CACNA2D3: variants seen among roughly 807,000 people sequenced by gnomAD.
The protein encoded by CACNA2D3 is voltage-dependent calcium channel subunit alpha-2/delta-3.
A neutral mutation model predicts 160.6 loss-of-function variants in CACNA2D3; 60 were observed. The observed-to-expected ratio is 0.37, with a 90% CI of 0.30 to 0.46. The LOEUF (loss-of-function observed/expected upper bound fraction) is 0.46. Among genes scored for constraint, CACNA2D3 ranks in the 20% least tolerant of loss-of-function variants. CACNA2D3 has a pLI of 1.00. For synonymous variants in CACNA2D3, 558 were observed against 492.9 expected, an observed-to-expected ratio of 1.13 and a Z score of -1.75; for missense variants, 1,205 against 1,365.0, an observed-to-expected ratio of 0.88 and a Z score of 1.85.
At chr3:54,642,519 C>CTT (rs1699545315) in intron 11 of CACNA2D3, among the ~76,000 whole-genome samples, 1 of 152,112 alleles carries the variant, frequency 6.6e-6, no homozygotes, top group Non-Finnish European at 1.5e-5. Context: ...TTGGGTTGTG[C>CTT]TTTTCTTTAT....
chr3:54,672,696 G>A (rs1002766360), intron 11 of CACNA2D3, among the ~76,000 whole-genome samples: 2 of 152,200 alleles, frequency 1.3e-5, no homozygotes, highest in African/African-American at 4.8e-5. Flanking sequence ...TGTCAGCTAA[G>A]GCACTTTCAA....
At chr3:54,716,835 A>G (rs1270152777) in intron 11 of CACNA2D3, among the ~76,000 whole-genome samples, 1 of 151,974 alleles carries the variant, frequency 6.6e-6, no homozygotes, top group African/African-American at 2.4e-5. Flanking sequence ...AGCATAATAA[A>G]TTATTTTTTA....
chr3:54,640,542 G>T (rs1162787497), intron 10 of CACNA2D3, among the ~76,000 whole-genome samples: 2 of 152,146 alleles, frequency 1.3e-5, no homozygotes, highest in Non-Finnish European at 2.9e-5. Context: ...ACTCACAAAG[G>T]CTGAGAGCTG....
At chr3:54,671,333 A>G (rs913093178) in intron 11 of CACNA2D3, among the ~76,000 whole-genome samples, 1 of 151,996 alleles carries the variant, frequency 6.6e-6, no homozygotes, top group Non-Finnish European at 1.5e-5. Flanking sequence ...GGGGAGCTTC[A>G]GAGACACCTG....
At chr3:54,997,600 C>T (rs1207947755) in intron 31 of CACNA2D3, among the ~76,000 whole-genome samples, 7 of 149,552 alleles carry the variant, frequency 4.7e-5, no homozygotes, top group African/African-American at 1.5e-4. Flanking sequence ...GTGACATGCA[C>T]CTGTAGTCCT....
intron 4 of CACNA2D3, among the ~76,000 whole-genome samples, chr3:54,424,433 T>A (rs973957547): frequency 6.6e-6 from 1 of 152,226 alleles, no homozygotes; most frequent in African/African-American, 2.4e-5. Context: ...GTTGGTGTTT[T>A]TGCCCTGAGG....
At chr3:54,960,251 T>C (rs1701999501) in intron 27 of CACNA2D3, among the ~76,000 whole-genome samples, 1 of 152,162 alleles carries the variant, frequency 6.6e-6, no homozygotes, top group South Asian at 2.1e-4. Flanking sequence ...AATGGTGTGA[T>C]AATGTGAGCT....
At chr3:54,360,128 A>AC (rs1367551702) in intron 3 of CACNA2D3, among the ~76,000 whole-genome samples, 2 of 152,204 alleles carry the variant, frequency 1.3e-5, no homozygotes, top group Non-Finnish European at 2.9e-5. Context: ...ATTGGAACGC[A>AC]GCCATACCTT....
At chr3:54,804,830 A>C (rs1222276444) in intron 13 of CACNA2D3, among the ~76,000 whole-genome samples, 1 of 152,236 alleles carries the variant, frequency 6.6e-6, no homozygotes, top group African/African-American at 2.4e-5. Flanking sequence ...ATGTAAAAGA[A>C]CAGAAATTAT....
intron 11 of CACNA2D3, among the ~76,000 whole-genome samples, chr3:54,644,801 G>A (rs190241703): frequency 1.3e-5 from 2 of 152,316 alleles, no homozygotes. Flanking sequence ...TGAGTGCTGC[G>A]GAGGCTGCTG....
chr3:54,800,087 T>A (rs1487863033), intron 13 of CACNA2D3, among the ~76,000 whole-genome samples: 1 of 152,216 alleles, frequency 6.6e-6, no homozygotes, highest in Non-Finnish European at 1.5e-5. Context: ...GCAGTCACAA[T>A]GTTGAAAAGT....
chr3:54,776,044 G>T (rs1349364283), intron 13 of CACNA2D3, among the ~76,000 whole-genome samples: 1 of 152,164 alleles, frequency 6.6e-6, no homozygotes, highest in East Asian at 1.9e-4. Context: ...ATCCAAAAAG[G>T]ATGAAATCAG....
chr3:54,509,850 G>A (rs1701431880), intron 5 of CACNA2D3, among the ~76,000 whole-genome samples: 1 of 152,198 alleles, frequency 6.6e-6, no homozygotes, highest in African/African-American at 2.4e-5. Flanking sequence ...CACAAGTTGA[G>A]TGGCTGAGTT....
chr3:54,624,785 G>A (rs1352949043), intron 9 of CACNA2D3, among the ~76,000 whole-genome samples: 1 of 152,240 alleles, frequency 6.6e-6, no homozygotes, highest in African/African-American at 2.4e-5. Context: ...CTCTCAGTGA[G>A]CTGTGTGATG....
intron 14 of CACNA2D3, among the ~76,000 whole-genome samples, chr3:54,831,455 A>G (rs1412567216): frequency 6.6e-6 from 1 of 152,212 alleles, no homozygotes; most frequent in Non-Finnish European, 1.5e-5. Context: ...GATGTCCTTC[A>G]AAGGTGGAGG....
chr3:55,058,769 C>T (rs1179735501), intron 35 of CACNA2D3, among the ~76,000 whole-genome samples: 2 of 152,030 alleles, frequency 1.3e-5, no homozygotes, highest in African/African-American at 4.8e-5. Context: ...TTACTCAGAA[C>T]TAAGAGGCAG....
chr3:54,472,399 A>C (rs1700749866), intron 4 of CACNA2D3, among the ~76,000 whole-genome samples: 1 of 152,208 alleles, frequency 6.6e-6, no homozygotes, highest in African/African-American at 2.4e-5. Flanking sequence ...ATGTATCTCA[A>C]AGTAATAAGA....
chr3:54,394,294 G>A (rs1317151517), intron 4 of CACNA2D3, among the ~76,000 whole-genome samples: 4 of 149,790 alleles, frequency 2.7e-5, no homozygotes, highest in Admixed American at 6.7e-5. Flanking sequence ...CAATCTGCCT[G>A]CAACCCTGCC....
intron 12 of CACNA2D3, among the ~76,000 whole-genome samples, chr3:54,763,627 CTGTG>C (rs35183007): frequency 1.4e-4 from 19 of 135,448 alleles, no homozygotes; most frequent in South Asian, 9.6e-4. Flanking sequence ...TAAACATATA[CTGTG>C]TGTGTGTGTG....
Sources: allele counts gnomAD v4.1 joint callset (sites outside exome capture counted in the v4.1 genomes callset), GRCh38; gene constraint gnomAD v4.1.1; transcripts MANE v1.5; gene names NCBI Gene and HGNC (gene_info 2026-07-23, HGNC 2026-07-21).